CACNA2D3: variants seen among roughly 807,000 people sequenced by gnomAD.
The protein encoded by CACNA2D3 is voltage-dependent calcium channel subunit alpha-2/delta-3.
CACNA2D3 carries 60 observed loss-of-function variants against 160.6 expected under a neutral mutation model. That is an observed-to-expected ratio of 0.37 (90% CI 0.30 to 0.46). The LOEUF (loss-of-function observed/expected upper bound fraction) is 0.46, where lower values mean the gene tolerates loss of function less well. CACNA2D3 is among the 20% of genes least tolerant of loss of function. CACNA2D3 has a pLI of 1.00. For synonymous variants in CACNA2D3, 558 were observed against 492.9 expected (o/e 1.13, Z -1.75); for missense variants, 1,205 against 1,365.0 (o/e 0.88, Z 1.85).
intron 4 of CACNA2D3, among the ~76,000 whole-genome samples, chr3:54,484,149 C>A (rs989367978): frequency 6.6e-6 from 1 of 152,216 alleles, no homozygotes; most frequent in African/African-American, 2.4e-5. Context: ...CCCAGCATAT[C>A]ACCCTTAATG....
intron 9 of CACNA2D3, among the ~76,000 whole-genome samples, chr3:54,602,217 G>T (rs551833281): frequency 6.6e-6 from 1 of 152,242 alleles, no homozygotes; most frequent in South Asian, 2.1e-4. Context: ...CAATAGCAAG[G>T]CCAGGCGTGG....
At chr3:54,333,622 G>A (rs1252422709) in intron 3 of CACNA2D3, among the ~76,000 whole-genome samples, 1 of 151,974 alleles carries the variant, frequency 6.6e-6, no homozygotes, top group South Asian at 2.1e-4. Flanking sequence ...TGAAGCCCCC[G>A]GGGCAGCACT....
At chr3:54,633,849 G>A (rs1699299339) in intron 10 of CACNA2D3, 1 of 152,142 alleles carries the variant, frequency 6.6e-6, no homozygotes, top group Non-Finnish European at 1.5e-5. Context: ...TTCTTATCTT[G>A]TCTGTGGAAG....
intron 27 of CACNA2D3, among the ~76,000 whole-genome samples, chr3:54,923,453 C>T (rs1700911375): frequency 6.6e-6 from 1 of 152,202 alleles, no homozygotes; most frequent in Non-Finnish European, 1.5e-5. Context: ...GAGACATCTT[C>T]CCATCCATCC....
intron 2 of CACNA2D3, among the ~76,000 whole-genome samples, chr3:54,207,420 A>G (rs571576996): frequency 1.3e-5 from 2 of 150,846 alleles, no homozygotes; most frequent in Non-Finnish European, 2.9e-5. Flanking sequence ...CACCACTGTA[A>G]TCCGGGTGGA....
At chr3:54,621,766 C>T (rs534895235) in intron 9 of CACNA2D3, among the ~76,000 whole-genome samples, 117 of 152,176 alleles carry the variant, frequency 7.7e-4, no homozygotes, top group Non-Finnish European at 1.2e-3. Flanking sequence ...ACCTGGCCCT[C>T]GAAAGGCAAA....
chr3:54,431,204 G>T (rs1233427151), intron 4 of CACNA2D3, among the ~76,000 whole-genome samples: 1 of 151,916 alleles, frequency 6.6e-6, no homozygotes, highest in Non-Finnish European at 1.5e-5. Context: ...AGGTGCAATG[G>T]CAGGCGCCTG....
chr3:54,443,637 G>A lies in CACNA2D3; in HGVS notation c.381+56863G>A, dbSNP rs80317033. ...GACAGATCCTTGGCCGACGACCCTG[G>A]CATTTGCTCTGCTTCCCATCTGCAG... is the stretch of plus-strand genomic sequence containing the variant. On this transcript the variant is annotated intron_variant, in intron 4 of 37. Coordinates refer to ENST00000474759, the MANE Select transcript of CACNA2D3 (RefSeq NM_018398.3). Among the ~76,000 whole-genome samples the A allele has an allele frequency of 7.1e-3, 1,088 of 152,264 alleles. 14 individuals carry two copies. Among genetic ancestry groups the A allele is most frequent in the African/African-American group, 0.025 (1,044 of 41,546 alleles).
intron 14 of CACNA2D3, among the ~76,000 whole-genome samples, chr3:54,835,100 C>T (rs1483419723): frequency 6.6e-6 from 1 of 152,182 alleles, no homozygotes; most frequent in African/African-American, 2.4e-5. Flanking sequence ...ATAAAATTAA[C>T]CATGTCACCA....
At chr3:54,532,973 C>G (rs1343931265) in intron 5 of CACNA2D3, among the ~76,000 whole-genome samples, 1 of 152,142 alleles carries the variant, frequency 6.6e-6, no homozygotes, top group Non-Finnish European at 1.5e-5. Context: ...ATTTTTTTGA[C>G]TTTTTGATAA....
intron 11 of CACNA2D3, among the ~76,000 whole-genome samples, chr3:54,676,449 G>A (rs897462378): frequency 4.6e-5 from 7 of 152,216 alleles, no homozygotes; most frequent in Non-Finnish European, 7.4e-5. Context: ...GTACTGTTGC[G>A]TTGTTCAAAC....
At chr3:54,882,140 G>A (rs976646163) in intron 21 of CACNA2D3, among the ~76,000 whole-genome samples, 2 of 152,204 alleles carry the variant, frequency 1.3e-5, no homozygotes, top group Non-Finnish European at 2.9e-5. Context: ...TGCAGGATGT[G>A]TTTTCAGGAT....
At position 54,747,170 on chromosome 3, in the gene CACNA2D3, C is replaced by T. The variant is rs1028609655; in HGVS notation, c.1168-5429C>T. On this transcript the variant is annotated intron_variant, in intron 11 of 37. Transcript: ENST00000474759. ...TTTTTAAAGTGTTGGCCACAGCCTA[C>T]CTGGGTCAGACCCCACGGACATTTT... is the stretch of plus-strand genomic sequence containing the variant. 3.3e-5 allele frequency among the ~76,000 whole-genome samples: 5 copies of T among 152,048 alleles called. No individual in the cohort carries two copies. The South Asian group carries it at 8.3e-4, about 25-fold the overall frequency.
At chr3:54,169,148 C>T (rs980415408) in intron 2 of CACNA2D3, among the ~76,000 whole-genome samples, 1 of 152,124 alleles carries the variant, frequency 6.6e-6, no homozygotes, top group East Asian at 1.9e-4. Context: ...GTTTTAAAAG[C>T]ACAAAACTGA....
intron 3 of CACNA2D3, among the ~76,000 whole-genome samples, chr3:54,328,534 G>A (rs562871350): frequency 7.2e-5 from 11 of 151,996 alleles, no homozygotes; most frequent in African/African-American, 2.4e-4. Context: ...TGCCCACCTC[G>A]GCCTCCCAAA....
intron 2 of CACNA2D3, among the ~76,000 whole-genome samples, chr3:54,147,204 C>T (rs993102628): frequency 6.6e-6 from 1 of 152,232 alleles, no homozygotes; most frequent in African/African-American, 2.4e-5. Flanking sequence ...TGGCTTTGCT[C>T]TTCTGGGCCT....
chr3:54,702,494 A>G (rs992289127), intron 11 of CACNA2D3, among the ~76,000 whole-genome samples: 3 of 152,226 alleles, frequency 2.0e-5, no homozygotes, highest in African/African-American at 7.2e-5. Context: ...CATATGAAAA[A>G]ATGCTCAACA....
intron 2 of CACNA2D3, among the ~76,000 whole-genome samples, chr3:54,134,500 G>A (rs916635527): frequency 6.6e-6 from 1 of 152,194 alleles, no homozygotes; most frequent in Non-Finnish European, 1.5e-5. Context: ...GCATGCTAGT[G>A]ATGGAAATAA....
intron 8 of CACNA2D3, among the ~76,000 whole-genome samples, chr3:54,580,546 C>G (rs1702658034): frequency 1.3e-5 from 2 of 152,102 alleles, no homozygotes; most frequent in African/African-American, 4.8e-5. Flanking sequence ...CTGTTCTCTT[C>G]CCTCAGGAGC....
Sources: gnomAD v4.1 joint callset for allele counts (sites outside exome capture counted in the v4.1 genomes callset) on GRCh38, gnomAD v4.1.1 for gene constraint, MANE v1.5 for transcripts, NCBI Gene and HGNC (gene_info 2026-07-23, HGNC 2026-07-21) for gene names.